The following NF2 variants were observed in gnomAD, a reference collection of about 807,000 sequenced individuals.
NF2 encodes merlin.
NF2 carries 8 observed loss-of-function variants against 83.7 expected under a neutral mutation model. The ratio of observed to expected loss-of-function variants is 0.10; its 90% CI spans 0.06 to 0.17. The LOEUF (loss-of-function observed/expected upper bound fraction) is 0.17, where lower values mean the gene tolerates loss of function less well. Among genes scored for constraint, NF2 ranks in the 10% least tolerant of loss-of-function variants. The probability of loss-of-function intolerance (pLI) is 1.00; values close to 1 mark genes in which losing one functional copy is unlikely to be tolerated. For missense variants in NF2, 533 were observed against 744.4 expected (o/e 0.72, Z 3.31); for synonymous variants, 266 against 269.6 (o/e 0.99, Z 0.13).
chr22:29,654,764 A>G (rs2066250790), intron 5 of NF2, 39 bp downstream of exon 5: 1 of 1,483,812 alleles, frequency 6.7e-7, no homozygotes, highest in Non-Finnish European at 9.4e-7. Flanking sequence ...GACATAGCAG[A>G]TATGTGGTCT....
intron 1 of NF2, among the ~76,000 whole-genome samples, chr22:29,617,345 AG>A (rs1258879985): frequency 6.6e-6 from 1 of 152,208 alleles, no homozygotes; most frequent in East Asian, 1.9e-4. Flanking sequence ...AGCTAGAGCA[AG>A]GTTTTTCAAC....
At chr22:29,671,044 G>A (rs948200985) in intron 10 of NF2, among the ~76,000 whole-genome samples, 5 of 152,184 alleles carry the variant, frequency 3.3e-5, no homozygotes, top group Non-Finnish European at 7.3e-5. Flanking sequence ...TCAGAGATGT[G>A]AGAGGGGTCC....
chr22:29,629,832 G>A (rs1177377968), intron 1 of NF2, among the ~76,000 whole-genome samples: 1 of 152,220 alleles, frequency 6.6e-6, no homozygotes, highest in Non-Finnish European at 1.5e-5. Context: ...CTATGAAAGG[G>A]AATATTGCTT....
In NF2 at chr22:29,694,156, T is replaced by C. The variant is rs1388289646; in HGVS notation, c.1738-596T>C. Among the ~76,000 whole-genome samples, 1 of 152,248 alleles carries C rather than the reference T, an allele frequency of 6.6e-6. No homozygotes were observed. The highest frequency in any genetic ancestry group is 1.5e-5 in the Non-Finnish European group (1 of 68,046). ...TGCACAAGCCACACTGAGAAAGCCG[T>C]TGCCTCCAGCTCATGGAGAGAAACA... On this transcript the variant is annotated intron_variant, in intron 15 of 15. Transcript: ENST00000338641. The surrounding 1 kb of genome is among the most constrained non-coding windows in gnomAD (Gnocchi z 4.1).
rs566312141 is a variant in NF2 at position 29,667,015 on chromosome 22, G to A, written c.886-1318G>A. ...AATACATAAAAATAAATCAAAAATAGAGCTTAGAGTATATACACAGGAGTA... is the reference window on the plus strand; with the variant it reads ...AATACATAAAAATAAATCAAAAATAAAGCTTAGAGTATATACACAGGAGTA... On this transcript the variant is annotated intron_variant, in intron 9 of 15. Transcript: ENST00000338641. Among the ~76,000 whole-genome samples the A allele has an allele frequency of 8.5e-5, 13 of 152,120 alleles. No homozygotes were observed. In the South Asian group the frequency reaches 2.5e-3, roughly 29 times the overall value.
At chr22:29,620,675 A>G (rs2065195528) in intron 1 of NF2, among the ~76,000 whole-genome samples, 1 of 151,800 alleles carries the variant, frequency 6.6e-6, no homozygotes. Context: ...AGGTTGCCTG[A>G]GATTGAGCCA....
rs191183183 is a variant in NF2 at position 29,695,919 on chromosome 22, C to T, written c.*1117C>T. The stretch of plus-strand genomic sequence containing the variant: ...GGGCCAGCCAGGGCCCTTTGTGCCC[C>T]TCCCAGCACAGGCCTGATGCAGGTG... On this transcript the variant is annotated 3_prime_UTR_variant, in exon 16 of 16. Transcript: ENST00000338641. This position sits in a 1 kb window ranked among gnomAD's most constrained non-coding sequence, Gnocchi z 5.4. 8.7e-6 allele frequency: 2 copies of T among 229,864 alleles called. No individual in the cohort carries two copies. The highest frequency in any genetic ancestry group is 1.2e-4 in the East Asian group (2 of 16,376). 14.2% of individuals were successfully genotyped at this position (229,864 alleles called of 1,614,324 possible).
At chr22:29,612,896 G>A (rs1335780870) in intron 1 of NF2, among the ~76,000 whole-genome samples, 1 of 151,810 alleles carries the variant, frequency 6.6e-6, no homozygotes, top group Non-Finnish European at 1.5e-5. Flanking sequence ...AGGAGTTCAA[G>A]ACCAGCCTGG....
chr22:29,633,519 A>G (rs2065569804), intron 1 of NF2, among the ~76,000 whole-genome samples: 2 of 152,114 alleles, frequency 1.3e-5, no homozygotes, highest in African/African-American at 4.8e-5. Flanking sequence ...TTCTTGATCC[A>G]GGGCTTCTTT....
chr22:29,667,520 T>G (rs1374110171), intron 9 of NF2, among the ~76,000 whole-genome samples: 6 of 151,980 alleles, frequency 3.9e-5, no homozygotes, highest in Non-Finnish European at 8.8e-5. Context: ...GGATTACACT[T>G]CCCAAAGTGC....
At chr22:29,625,185 C>G (rs946347514) in intron 1 of NF2, among the ~76,000 whole-genome samples, 2 of 152,084 alleles carry the variant, frequency 1.3e-5, no homozygotes, top group Admixed American at 6.6e-5. Flanking sequence ...CCTCGGCCTC[C>G]CAAAGTGTTG....
At position 29,695,522 on chromosome 22, in the gene NF2, G is replaced by A. The variant is rs184043147; in HGVS notation, c.*720G>A. The A allele has an allele frequency of 4.1e-4, 98 of 237,796 alleles. No homozygotes were observed. The highest frequency in any genetic ancestry group is 2.0e-3 in the African/African-American group (89 of 45,496). 14.7% of individuals were successfully genotyped at this position (237,796 alleles called of 1,614,324 possible). A position where few individuals can be genotyped will look rare whatever the true frequency, so the allele number is the denominator to read the frequency against. The stretch of plus-strand genomic sequence containing the variant: ...CGGGAGCTGATGGTACAGGGCACTC[G>A]CTGTCCCCCTCCGGCCACCCTAGAC... On this transcript the variant is annotated 3_prime_UTR_variant, in exon 16 of 16. Transcript: ENST00000338641. The surrounding 1 kb of genome is among the most constrained non-coding windows in gnomAD (Gnocchi z 5.4).
intron 1 of NF2, among the ~76,000 whole-genome samples, chr22:29,623,810 C>G (rs781761476): frequency 1.3e-5 from 2 of 152,148 alleles, no homozygotes; most frequent in Non-Finnish European, 2.9e-5. Flanking sequence ...AGAGCTCCAC[C>G]GTGTGACCTT....
chr22:29,654,033 C>T (rs191295368), intron 4 of NF2, among the ~76,000 whole-genome samples: 40 of 151,912 alleles, frequency 2.6e-4, no homozygotes, highest in African/African-American at 6.3e-4. Flanking sequence ...TCATTGTCCC[C>T]GGAGGGATAA....
At chr22:29,689,790 C>T (rs1438358930) in intron 15 of NF2, among the ~76,000 whole-genome samples, 1 of 152,214 alleles carries the variant, frequency 6.6e-6, no homozygotes, top group Non-Finnish European at 1.5e-5. Context: ...CCTTCCCTTG[C>T]TTTAGGAACA....
At chr22:29,682,884 T>C (rs2067178158) in intron 15 of NF2, 1 of 1,039,354 alleles carries the variant, frequency 9.6e-7, no homozygotes, top group Non-Finnish European at 1.5e-6. Context: ...AGAGACCCCG[T>C]TCCAAGCCAT....
Position 29,681,413 on chromosome 22 carries a change from G to A in NF2, c.1575-26G>A, listed in dbSNP as rs779334081. 3.7e-6 allele frequency: 6 copies of A among 1,613,110 alleles called. No individual in the cohort carries two copies. The South Asian group carries it at 5.5e-5, about 15-fold the overall frequency. On this transcript the variant is annotated intron_variant, in intron 14 of 15. Coordinates refer to ENST00000338641, the MANE Select transcript of NF2 (RefSeq NM_000268.4). Reference sequence around the variant, plus strand: ...GTGTCTCACTGTCTGCCCAAGCCCTGATGCATGATACCCTCTTGCCGGCAG... The same window carrying A: ...GTGTCTCACTGTCTGCCCAAGCCCTAATGCATGATACCCTCTTGCCGGCAG...
intron 15 of NF2, among the ~76,000 whole-genome samples, chr22:29,689,224 C>A (rs796365027): frequency 1.3e-5 from 2 of 149,244 alleles, no homozygotes; most frequent in African/African-American, 4.9e-5. Flanking sequence ...AAAGCTTGAT[C>A]TGGCCACTTA....
intron 15 of NF2, among the ~76,000 whole-genome samples, chr22:29,689,878 C>G (rs1174593671): frequency 1.3e-5 from 2 of 152,242 alleles, no homozygotes; most frequent in Admixed American, 1.3e-4. Context: ...AATCAAGCAG[C>G]CTTGCTGCTG....
Sources: allele counts gnomAD v4.1 joint callset (sites outside exome capture counted in the v4.1 genomes callset), GRCh38; gene constraint gnomAD v4.1.1; non-coding constraint Gnocchi (gnomAD v3.1); transcripts MANE v1.5; gene names NCBI Gene and HGNC (gene_info 2026-07-23, HGNC 2026-07-21).